Variants in C10orf90 observed in about 807,000 individuals in gnomAD.
C10orf90 encodes the protein chromosome 10 open reading frame 90.
In C10orf90, 56 loss-of-function variants were observed where a neutral mutation model predicts 62.5. The observed-to-expected ratio is 0.90, with a 90% CI of 0.72 to 1.12. The LOEUF is 1.12. C10orf90 is among the 50% of genes most tolerant of loss of function. The pLI is 0.00. For missense variants in C10orf90, 970 were observed against 880.4 expected, an observed-to-expected ratio of 1.10 and a Z score of -1.29; for synonymous variants, 386 against 340.4, an observed-to-expected ratio of 1.13 and a Z score of -1.47.
intron 1 of C10orf90, among the ~76,000 whole-genome samples, chr10:126,655,665 C>G (rs961669039): frequency 1.3e-5 from 2 of 152,130 alleles, no homozygotes; most frequent in Admixed American, 6.5e-5. Flanking sequence ...CTACTTTCCC[C>G]CAATTAGAGT....
At chr10:126,633,815 G>C (rs1289414099) in intron 2 of C10orf90, among the ~76,000 whole-genome samples, 1 of 152,208 alleles carries the variant, frequency 6.6e-6, no homozygotes, top group Non-Finnish European at 1.5e-5. Flanking sequence ...ACACCTGTAA[G>C]CATCTGTATC....
At chr10:126,564,914 TTA>T (rs1179907963) in intron 2 of C10orf90, among the ~76,000 whole-genome samples, 2 of 15,388 alleles carry the variant, frequency 1.3e-4, no homozygotes, top group African/African-American at 5.6e-4. Context: ...AAAATATATA[TTA>T]TATATAATAT....
At position 126,461,332 on chromosome 10, in the gene C10orf90, T is replaced by C. The variant is rs575530374; in HGVS notation, c.2010+69A>G. ...CCTCAGAGGTGCAAGTGAGGTTGTG[T>C]GCTCACGGACTCCCTAGGAAATCTC... On this transcript the variant is annotated intron_variant, in intron 6 of 9. Coordinates refer to ENST00000488181, the MANE Select transcript of C10orf90 (RefSeq NM_001350921.2). The C allele has an allele frequency of 2.0e-5, 31 of 1,555,388 alleles. No homozygotes were observed. In the East Asian group the frequency reaches 4.3e-4, roughly 22 times the overall value.
intron 4 of C10orf90, among the ~76,000 whole-genome samples, chr10:126,477,749 G>C (rs1481152003): frequency 3.9e-5 from 6 of 152,158 alleles, no homozygotes; most frequent in Non-Finnish European, 1.5e-5. Context: ...CATGGAATAG[G>C]AGTTTTTTAT....
intron 2 of C10orf90, among the ~76,000 whole-genome samples, chr10:126,538,701 C>T (rs1235811971): frequency 6.6e-6 from 1 of 152,158 alleles, no homozygotes; most frequent in Non-Finnish European, 1.5e-5. Flanking sequence ...GAGTGAGTAA[C>T]TTGTTCGACA....
chr10:126,491,575 G>A (rs1168204473), intron 4 of C10orf90, among the ~76,000 whole-genome samples: 1 of 152,178 alleles, frequency 6.6e-6, no homozygotes, highest in Non-Finnish European at 1.5e-5. Context: ...CTGCAGTAAT[G>A]AAGTACGTGA....
chr10:126,651,102 C>T (rs765399815), intron 1 of C10orf90, among the ~76,000 whole-genome samples: 7 of 152,204 alleles, frequency 4.6e-5, no homozygotes, highest in Non-Finnish European at 1.0e-4. Context: ...AGACTAAATG[C>T]TTTACAAAGC....
At chr10:126,568,590 A>T (rs556680974) in intron 2 of C10orf90, among the ~76,000 whole-genome samples, 1 of 152,184 alleles carries the variant, frequency 6.6e-6, no homozygotes, top group Non-Finnish European at 1.5e-5. Flanking sequence ...CAAGTAACCT[A>T]ATCATGGGAA....
At chr10:126,531,210 A>G (rs1375767689) in intron 2 of C10orf90, among the ~76,000 whole-genome samples, 1 of 151,926 alleles carries the variant, frequency 6.6e-6, no homozygotes, top group Non-Finnish European at 1.5e-5. Flanking sequence ...AAAATTACAG[A>G]TCAAAGATCT....
intron 1 of C10orf90, among the ~76,000 whole-genome samples, chr10:126,649,387 C>T (rs1429453151): frequency 1.3e-5 from 2 of 152,066 alleles, no homozygotes; most frequent in African/African-American, 2.4e-5. Flanking sequence ...CCTGGTGGTG[C>T]CCCTGCTCAT....
At chr10:126,519,124 A>C (rs898108467) in intron 2 of C10orf90, among the ~76,000 whole-genome samples, 1 of 152,174 alleles carries the variant, frequency 6.6e-6, no homozygotes, top group African/African-American at 2.4e-5. Flanking sequence ...GGGAGGAGAC[A>C]CTTGACATGG....
chr10:126,496,854 G>A (rs566167578), intron 4 of C10orf90: 5 of 272,134 alleles, frequency 1.8e-5, no homozygotes, highest in African/African-American at 9.2e-5. Flanking sequence ...CCCACTCTGT[G>A]AGCCATTGCT....
At chr10:126,656,288 T>C (rs1846393967) in intron 1 of C10orf90, among the ~76,000 whole-genome samples, 1 of 152,164 alleles carries the variant, frequency 6.6e-6, no homozygotes, top group South Asian at 2.1e-4. Flanking sequence ...ATGTGATCAA[T>C]AACTTTTTGG....
intron 4 of C10orf90, 96 bp downstream of exon 4, chr10:126,503,861 C>T (rs1264161524): frequency 7.0e-7 from 1 of 1,431,994 alleles, no homozygotes; most frequent in Non-Finnish European, 9.4e-7. Context: ...TGAGAAATGC[C>T]TCTTAGAATA....
intron 7 of C10orf90, among the ~76,000 whole-genome samples, chr10:126,430,782 T>A (rs1174891144): frequency 6.6e-6 from 1 of 152,188 alleles, no homozygotes; most frequent in Admixed American, 6.5e-5. Context: ...CCCAGTGAAG[T>A]CCTGGGTCTG....
intron 3 of C10orf90, among the ~76,000 whole-genome samples, chr10:126,508,006 A>C (rs954552274): frequency 6.6e-6 from 1 of 151,816 alleles, no homozygotes; most frequent in Non-Finnish European, 1.5e-5. Flanking sequence ...AATCATACCC[A>C]GTAGGAACTC....
In C10orf90 at chr10:126,425,994, T is replaced by C; in HGVS notation, c.2349A>G (p.Lys783=). Residue 783 remains lysine (K), a synonymous_variant, in exon 9 of 10, where the codon AAA becomes AAG. Transcript: ENST00000488181. ...QSNRLRAEVF[K]KQLLDQLLQR... Reference sequence around the variant, plus strand: ...CTGCTGGTGACGAGGCCATTACCTTTTTGAAGACTTCGGCACGGAGTCTGT... The same window carrying C: ...CTGCTGGTGACGAGGCCATTACCTTCTTGAAGACTTCGGCACGGAGTCTGT... 1 of 1,614,200 alleles carries C rather than the reference T, an allele frequency of 6.2e-7. No homozygotes were observed. The highest frequency in any genetic ancestry group is 8.5e-7 in the Non-Finnish European group (1 of 1,180,006).
intron 7 of C10orf90, among the ~76,000 whole-genome samples, chr10:126,445,338 T>A (rs778410132): frequency 2.0e-5 from 3 of 151,706 alleles, no homozygotes; most frequent in Admixed American, 6.6e-5. Context: ...AACAATCCCA[T>A]CAAAAAGTGG....
At chr10:126,581,424 A>C (rs11245054) in intron 2 of C10orf90, among the ~76,000 whole-genome samples, 45,158 of 152,040 alleles carry the variant, frequency 0.3, 7,862 homozygotes, top group Non-Finnish European at 0.39. Flanking sequence ...CGTGGACTGC[A>C]TGCTGGCTGG....
Sources: allele counts gnomAD v4.1 joint callset (sites outside exome capture counted in the v4.1 genomes callset), GRCh38; gene constraint gnomAD v4.1.1; transcripts MANE v1.5; gene names NCBI Gene and HGNC (gene_info 2026-07-23, HGNC 2026-07-21).